MRTFA: variants seen among roughly 807,000 people sequenced by gnomAD.
The protein encoded by MRTFA is myocardin related transcription factor A.
In MRTFA, 20 loss-of-function variants were observed where a neutral mutation model predicts 83.5. That is an observed-to-expected ratio of 0.24 (90% confidence interval 0.17 to 0.35). The LOEUF is 0.35. MRTFA is among the 10% of genes least tolerant of loss of function. The pLI is 1.00. For missense variants in MRTFA, 1,200 were observed against 1,224.7 expected (o/e 0.98, Z 0.30); for synonymous variants, 659 against 541.2 (o/e 1.22, Z -3.02).
At chr22:40,599,107 G>A (rs533643025) in intron 1 of MRTFA, among the ~76,000 whole-genome samples, 1 of 151,714 alleles carries the variant, frequency 6.6e-6, no homozygotes, top group East Asian at 1.9e-4. Context: ...AGACTAGCCT[G>A]GCCAACATGG....
intron 3 of MRTFA, among the ~76,000 whole-genome samples, chr22:40,518,741 G>A (rs1187483313): frequency 7.7e-6 from 1 of 130,108 alleles, no homozygotes; most frequent in African/African-American, 2.9e-5. Context: ...GTTGCAGTGA[G>A]CCAAGATCAT....
At position 40,546,732 on chromosome 22, in the gene MRTFA, T is replaced by A. The variant is rs532826814; in HGVS notation, c.241+5374A>T. ...TAATTTATATGCTAAGTGGAAACAC[T>A]TCAGAGAAAAAGGCCGAAGATACAC... On this transcript the variant is annotated intron_variant, in intron 3 of 14. Transcript: ENST00000355630. 4.7e-4 allele frequency among the ~76,000 whole-genome samples: 72 copies of A among 152,290 alleles called. No individual in the cohort carries two copies. The South Asian group carries it at 0.014, about 30-fold the overall frequency.
chr22:40,519,318 A>C (rs992624176), intron 3 of MRTFA: 19 of 824,450 alleles, frequency 2.3e-5, no homozygotes, highest in Non-Finnish European at 3.2e-5. Context: ...CCACCTATAG[A>C]GATGGTCCTT....
At chr22:40,421,826 T>C (rs1441881681) in intron 9 of MRTFA, among the ~76,000 whole-genome samples, 1 of 151,716 alleles carries the variant, frequency 6.6e-6, no homozygotes, top group African/African-American at 2.4e-5. Context: ...CCGAGAAGTT[T>C]TGAGCAGAGA....
Position 40,552,272 on chromosome 22 carries a change from G to A in MRTFA, c.75C>T (p.Gly25=), listed in dbSNP as rs893846893. 2.3e-5 allele frequency: 9 copies of A among 398,846 alleles called. No individual in the cohort carries two copies. The highest frequency in any genetic ancestry group is 3.5e-5 in the Non-Finnish European group (8 of 226,084). The allele number at this position is 398,846 out of a possible 1,614,324, so 24.7% of individuals were successfully genotyped here. A position where few individuals can be genotyped will look rare whatever the true frequency, so the allele number is the denominator to read the frequency against. The change falls in exon 3 of 15, where the codon GGC becomes GGT. Residue 25 remains glycine (G), a synonymous_variant. Transcript: ENST00000355630. The stretch of plus-strand genomic sequence containing the variant: ...CGAGCACTGGTTCATCATCATTTTC[G>A]CCGGCCCCTCCTCCGTCCAGCCCAT...
At chr22:40,621,572 T>C (rs1355913592) in intron 1 of MRTFA, among the ~76,000 whole-genome samples, 1 of 152,172 alleles carries the variant, frequency 6.6e-6, no homozygotes, top group African/African-American at 2.4e-5. Flanking sequence ...TGAATGTACT[T>C]AACACCACTG....
In MRTFA at chr22:40,552,163, G is replaced by A; in HGVS notation, c.184C>T (p.Leu62=). The change falls in exon 3 of 15, where the codon CTA becomes TTA. Residue 62 remains leucine, a synonymous_variant. Coordinates refer to ENST00000355630, the MANE Select transcript of MRTFA (RefSeq NM_020831.6). ...GGATTCCTGCCAGGGTGGAGGCCTA[G>A]GGTCAGCTCGGGCTGCAAGGAGAGC... is the stretch of plus-strand genomic sequence containing the variant. 2.5e-6 allele frequency: 1 copy of A among 399,032 alleles called. No individual in the cohort carries two copies. The highest frequency in any genetic ancestry group is 4.4e-6 in the Non-Finnish European group (1 of 226,086). The allele number at this position is 399,032 out of a possible 1,614,324, so 24.7% of individuals were successfully genotyped here.
chr22:40,462,168 T>C (rs536186222), intron 4 of MRTFA, among the ~76,000 whole-genome samples: 1 of 152,356 alleles, frequency 6.6e-6, no homozygotes, highest in Non-Finnish European at 1.5e-5. Context: ...TACTTGATAG[T>C]ACTTACCAGG....
chr22:40,434,803 A>G (rs1476915179), intron 5 of MRTFA, among the ~76,000 whole-genome samples: 1 of 152,176 alleles, frequency 6.6e-6, no homozygotes, highest in Non-Finnish European at 1.5e-5. Context: ...TCTTCCCATG[A>G]TTTTATGTGA....
intron 4 of MRTFA, among the ~76,000 whole-genome samples, chr22:40,459,442 T>C (rs1025629554): frequency 9.2e-5 from 14 of 152,084 alleles, no homozygotes; most frequent in African/African-American, 2.7e-4. Context: ...TAGCTGAAGG[T>C]GGATCTTGGT....
chr22:40,550,030 CAG>C (rs1007197731), intron 3 of MRTFA, among the ~76,000 whole-genome samples: 15 of 132,698 alleles, frequency 1.1e-4, no homozygotes, highest in Non-Finnish European at 1.9e-4. Flanking sequence ...GCCTGGGCAA[CAG>C]AGTGAGACTC....
intron 3 of MRTFA, among the ~76,000 whole-genome samples, chr22:40,518,795 CAAA>C (rs879690699): frequency 2.9e-5 from 2 of 68,142 alleles, no homozygotes; most frequent in African/African-American, 6.3e-5. Context: ...ACTCTGTCTC[CAAA>C]AAAAAAAAAA....
intron 4 of MRTFA, among the ~76,000 whole-genome samples, chr22:40,460,924 C>A (rs2053699288): frequency 6.6e-6 from 1 of 152,042 alleles, no homozygotes; most frequent in African/African-American, 2.4e-5. Flanking sequence ...CCAAGCCGGG[C>A]AAGGTGGCTC....
intron 3 of MRTFA, among the ~76,000 whole-genome samples, chr22:40,527,004 G>A (rs1195187128): frequency 6.6e-6 from 1 of 151,884 alleles, no homozygotes; most frequent in African/African-American, 2.4e-5. Context: ...GTACACGCCT[G>A]TGGTCCAGCT....
intron 3 of MRTFA, among the ~76,000 whole-genome samples, chr22:40,497,369 G>C (rs1202058127): frequency 6.6e-6 from 1 of 152,194 alleles, no homozygotes; most frequent in African/African-American, 2.4e-5. Context: ...TAGAGAGAAA[G>C]AGAAATAGAG....
chr22:40,500,689 T>C (rs898126465), intron 3 of MRTFA, among the ~76,000 whole-genome samples: 4 of 150,752 alleles, frequency 2.7e-5, no homozygotes, highest in Non-Finnish European at 5.9e-5. Flanking sequence ...AGCACATGTT[T>C]CAGAGAGCAC....
At chr22:40,432,669 G>GA (rs1181441714) in intron 5 of MRTFA, among the ~76,000 whole-genome samples, 2 of 130,898 alleles carry the variant, frequency 1.5e-5, no homozygotes, top group African/African-American at 3.1e-5. Context: ...GTAAAGACTG[G>GA]AAAAAAATGA....
At chr22:40,412,429 T>A (rs1328619641) in intron 14 of MRTFA, 1 of 152,232 alleles carries the variant, frequency 6.6e-6, no homozygotes. Flanking sequence ...CCTCCAACAC[T>A]TACTTACTTA....
At chr22:40,585,969 A>G (rs890798744) in intron 2 of MRTFA, among the ~76,000 whole-genome samples, 3 of 152,252 alleles carry the variant, frequency 2.0e-5, no homozygotes, top group South Asian at 2.1e-4. Flanking sequence ...AGCAGATTGC[A>G]CTGCACCTAA....
Sources: gnomAD v4.1 joint callset for allele counts (sites outside exome capture counted in the v4.1 genomes callset) on GRCh38, gnomAD v4.1.1 for gene constraint, MANE v1.5 for transcripts, NCBI Gene and HGNC (gene_info 2026-07-23, HGNC 2026-07-21) for gene names.